ANGPT4: variants seen among roughly 807,000 people sequenced by gnomAD.
The protein encoded by ANGPT4 is angiopoietin-4.
ANGPT4 carries 50 observed loss-of-function variants against 53.0 expected under a neutral mutation model. That is an observed-to-expected ratio of 0.94 (90% CI 0.75 to 1.20). The LOEUF (loss-of-function observed/expected upper bound fraction) is 1.20. Ranked by LOEUF, ANGPT4 falls within the 50% of genes most tolerant of loss-of-function variation. The probability of loss-of-function intolerance (pLI) is 0.00; values close to 1 mark genes in which losing one functional copy is unlikely to be tolerated. For synonymous variants in ANGPT4, 251 were observed against 259.7 expected (o/e 0.97, Z 0.32); for missense variants, 648 against 637.1 (o/e 1.02, Z -0.18).
Position 888,369 on chromosome 20 carries a change from T to C in ANGPT4, c.536A>G (p.Asn179Ser), listed in dbSNP as rs1324008836. Residue 179 changes from asparagine to serine, a missense_variant, in exon 3 of 9, where the codon AAC (asparagine) becomes AGC (serine). Asn to Ser is a conservative substitution (Grantham distance 46). Transcript: ENST00000381922. ...ETFLSTNKLE[N>S]QLLLQRQKLQ... is the part of the protein sequence containing the mutation. ...CTTCTGCCTCTGTAGCAGCAGCTGG[T>C]TCTCCAGCTTGTTGGTGGACAGAAA... is the stretch of plus-strand genomic sequence containing the variant. 1 of 1,613,898 alleles carries C rather than the reference T, an allele frequency of 6.2e-7. No individual in the cohort carries two copies. The highest frequency in any genetic ancestry group is 1.3e-5 in the African/African-American group (1 of 75,050).
Position 901,794 on chromosome 20 carries a change from A to G in ANGPT4, c.310-11426T>C, listed in dbSNP as rs143729005. On this transcript the variant is annotated intron_variant, in intron 1 of 8. Coordinates refer to ENST00000381922, the MANE Select transcript of ANGPT4 (RefSeq NM_015985.4). The stretch of plus-strand genomic sequence containing the variant: ...GCTGAAGGTGGTGGTGCATGCCTCT[A>G]GTCTCAGCTACTTGCGGGGCTGAGG... Among the ~76,000 whole-genome samples, 599 of 152,340 alleles carry G rather than the reference A, an allele frequency of 3.9e-3. 1 individual carries two copies. Among genetic ancestry groups the G allele is most frequent in the Non-Finnish European group, 5.9e-3 (403 of 68,022 alleles).
At position 911,900 on chromosome 20, in the gene ANGPT4, G is replaced by C. The variant is rs1202013702; in HGVS notation, c.309+4006C>G. Reference sequence around the variant, plus strand: ...GGAGAAAGAGACAGAGACAGACAGAGATAGACAGGGAGATAGGCAGAGAGA... The same window carrying C: ...GGAGAAAGAGACAGAGACAGACAGACATAGACAGGGAGATAGGCAGAGAGA... On this transcript the variant is annotated intron_variant, in intron 1 of 8. Coordinates refer to ENST00000381922, the MANE Select transcript of ANGPT4 (RefSeq NM_015985.4). This position sits in a 1 kb window ranked among gnomAD's most constrained non-coding sequence, Gnocchi z 4.9. Among the ~76,000 whole-genome samples, 1 of 152,102 alleles carries C rather than the reference G, an allele frequency of 6.6e-6. No individual in the cohort carries two copies. The highest frequency in any genetic ancestry group is 1.5e-5 in the Non-Finnish European group (1 of 67,998).
rs775701631 is a variant in ANGPT4, at chr20:879,797, G to A, written c.1003C>T (p.Arg335Cys). 18 of 1,613,616 alleles carry A rather than the reference G, an allele frequency of 1.1e-5. No homozygotes were observed. The highest frequency in any genetic ancestry group is 1.7e-5 in the Admixed American group (1 of 59,974). ...SGGRWTLIQR[R>C]ENGTVNFQRN... ...TGAAAATTCACGGTGCCATTCTCAC[G>A]GCGCTGGATGAGGGTCCACCTGCCT... Residue 335 changes from arginine to cysteine, a missense_variant, in exon 6 of 9, where the codon CGT (arginine) becomes TGT (cysteine). Arg to Cys is a radical substitution (Grantham distance 180). Coordinates refer to ENST00000381922, the MANE Select transcript of ANGPT4 (RefSeq NM_015985.4).
At chr20:896,898 C>T (rs1271253203) in intron 1 of ANGPT4, among the ~76,000 whole-genome samples, 1 of 152,176 alleles carries the variant, frequency 6.6e-6, no homozygotes, top group African/African-American at 2.4e-5. Context: ...TGAGCCCAAG[C>T]CTGCGCGTAT....
intron 4 of ANGPT4, among the ~76,000 whole-genome samples, chr20:881,570 G>A (rs1221013010): frequency 6.6e-6 from 1 of 152,216 alleles, no homozygotes; most frequent in Admixed American, 6.5e-5. Flanking sequence ...GCAGAGGACA[G>A]GGCATGGGGA....
rs541080353 is a variant in ANGPT4, at chr20:872,995, C to A, written c.1477G>T (p.Ala493Ser). ...YFKGPSYSLR[A>S]SRMMIRPLDI ...AAAGGCCGTATCATCATGCGAGAGGCACGCAGTGAGTAGCTGGGGCCCTTG... is the reference window on the plus strand; with the variant it reads ...AAAGGCCGTATCATCATGCGAGAGGAACGCAGTGAGTAGCTGGGGCCCTTG... Residue 493 changes from alanine (A) to serine (S), a missense_variant, in exon 9 of 9, where the codon GCC becomes TCC. By Grantham distance (99) the Ala-to-Ser change is moderately conservative. Transcript: ENST00000381922. 1 of 1,614,098 alleles carries A rather than the reference C, an allele frequency of 6.2e-7. No homozygotes were observed. The highest frequency in any genetic ancestry group is 2.2e-5 in the East Asian group (1 of 44,882).
intron 1 of ANGPT4, among the ~76,000 whole-genome samples, chr20:891,627 C>A (rs1159244925): frequency 1.3e-5 from 2 of 152,214 alleles, no homozygotes; most frequent in South Asian, 4.1e-4. Context: ...AGCTGGACAG[C>A]TCTCAGGGTC....
In ANGPT4 at chr20:878,228, A is replaced by C; in HGVS notation, c.1153T>G (p.Trp385Gly). The change falls in exon 7 of 9, where the codon TGG (tryptophan) becomes GGG (glycine). Residue 385 changes from tryptophan to glycine, a missense_variant. Trp to Gly is a radical substitution (Grantham distance 184). Transcript: ENST00000381922. The stretch of plus-strand genomic sequence containing the variant: ...TGGGCATAGGCCTCGTGGCCTTCCC[A>C]GTCTTGCAGCTCCACACGCAGAGAG... ...AYSLRVELQDWEGHEAYAQYE... is the reference protein window; with the variant it reads ...AYSLRVELQDGEGHEAYAQYE... 6.2e-7 allele frequency: 1 copy of C among 1,612,860 alleles called. No homozygotes were observed. The highest frequency in any genetic ancestry group is 8.5e-7 in the Non-Finnish European group (1 of 1,178,964).
At chr20:886,096 T>C (rs1022994483) in intron 3 of ANGPT4, among the ~76,000 whole-genome samples, 2 of 152,178 alleles carry the variant, frequency 1.3e-5, no homozygotes, top group Non-Finnish European at 2.9e-5. Context: ...TGTTGTCCGA[T>C]GATATTATAA....
At position 878,340 on chromosome 20, in the gene ANGPT4, G is replaced by C; in HGVS notation, c.1054-13C>G. 6.3e-7 allele frequency: 1 copy of C among 1,590,102 alleles called. No individual in the cohort carries two copies. The highest frequency in any genetic ancestry group is 8.6e-7 in the Non-Finnish European group (1 of 1,160,932). On this transcript the variant is annotated splice_polypyrimidine_tract_variant and intron_variant, in intron 6 of 8. Coordinates refer to ENST00000381922, the MANE Select transcript of ANGPT4 (RefSeq NM_015985.4). The stretch of plus-strand genomic sequence containing the variant: ...GGTCTCCGAAGCCCTATAGGGAGGG[G>C]AGCGTGGGGTGAGACTCATGCTGAG...
Position 872,732 on chromosome 20 carries a change from C to G in ANGPT4, c.*228G>C. ...TGAAGGGGGAGGGAGAGAAGAGGGG[C>G]GAGGACTACATCAGAGGGATGGGCC... On this transcript the variant is annotated 3_prime_UTR_variant, in exon 9 of 9. Transcript: ENST00000381922. 1 of 556,006 alleles carries G rather than the reference C, an allele frequency of 1.8e-6. No homozygotes were observed. Among genetic ancestry groups the G allele is most frequent in the South Asian group, 2.1e-5 (1 of 46,816 alleles). 34.4% of individuals were successfully genotyped at this position (556,006 alleles called of 1,614,324 possible). A position where few individuals can be genotyped will look rare whatever the true frequency, so the allele number is the denominator to read the frequency against.
In ANGPT4 at chr20:903,070, G is replaced by A. The variant is rs144534490; in HGVS notation, c.310-12702C>T. Among the ~76,000 whole-genome samples, 11 of 152,250 alleles carry A rather than the reference G, an allele frequency of 7.2e-5. No homozygotes were observed. In the Middle Eastern group the frequency reaches 0.01, roughly 141 times the overall value. ...AAGAGGGTCAAGGCGGGGGCTGGGC[G>A]GGTGAAAGTGGTGCTTCCCTCACCC... On this transcript the variant is annotated intron_variant, in intron 1 of 8. Transcript: ENST00000381922.
rs746720846 is a variant in ANGPT4 at position 872,981 on chromosome 20, C to A, written c.1491G>T (p.Met497Ile). 6.2e-7 allele frequency: 1 copy of A among 1,614,088 alleles called. No individual in the cohort carries two copies. The highest frequency in any genetic ancestry group is 8.5e-7 in the Non-Finnish European group (1 of 1,180,014). Residue 497 changes from methionine (M) to isoleucine (I), a missense_variant, in exon 9 of 9, where the codon ATG becomes ATT. Physicochemically the swap from Met to Ile is conservative, Grantham distance 10. Transcript: ENST00000381922. Reference protein sequence around the residue: ...PSYSLRASRMMIRPLDI With the variant: ...PSYSLRASRMIIRPLDI Reference sequence around the variant, plus strand: ...CTCGTTAGATGTCCAAAGGCCGTATCATCATGCGAGAGGCACGCAGTGAGT... The same window carrying A: ...CTCGTTAGATGTCCAAAGGCCGTATAATCATGCGAGAGGCACGCAGTGAGT...
At position 891,917 on chromosome 20, in the gene ANGPT4, C is replaced by T. The variant is rs113609345; in HGVS notation, c.310-1549G>A. ...AAAAATGTGAATTTCCAGGTCCCAC[C>T]GCAGACCTCCTGAACCAGAAACTCT... On this transcript the variant is annotated intron_variant, in intron 1 of 8. Coordinates refer to ENST00000381922, the MANE Select transcript of ANGPT4 (RefSeq NM_015985.4). Among the ~76,000 whole-genome samples the T allele has an allele frequency of 2.0e-4, 30 of 152,310 alleles. 1 individual carries two copies. In the South Asian group the frequency reaches 5.6e-3, roughly 28 times the overall value.
At position 894,132 on chromosome 20, in the gene ANGPT4, G is replaced by C. The variant is rs138952658; in HGVS notation, c.310-3764C>G. Among the ~76,000 whole-genome samples, 150 of 152,254 alleles carry C rather than the reference G, an allele frequency of 9.9e-4. 1 individual carries two copies. In the East Asian group the frequency reaches 0.026, roughly 26 times the overall value. On this transcript the variant is annotated intron_variant, in intron 1 of 8. Transcript: ENST00000381922. Reference sequence around the variant, plus strand: ...CCTTGTCTCTCCCACTGTGCTCTCAGGCAATAGATGATTGGCTATTTCTTT... The same window carrying C: ...CCTTGTCTCTCCCACTGTGCTCTCACGCAATAGATGATTGGCTATTTCTTT...
chr20:891,142 G>A (rs1981829970), intron 1 of ANGPT4, among the ~76,000 whole-genome samples: 1 of 152,338 alleles, frequency 6.6e-6, no homozygotes, highest in South Asian at 2.1e-4. Context: ...TGAAAAAGGG[G>A]AAACAGCAAG....
chr20:875,378 C>A (rs953317716), intron 7 of ANGPT4, among the ~76,000 whole-genome samples: 1 of 152,216 alleles, frequency 6.6e-6, no homozygotes, highest in Non-Finnish European at 1.5e-5. Context: ...GGCACCCCAG[C>A]TCTGCAGCTT....
chr20:880,868 G>A (rs1981377108), intron 5 of ANGPT4, among the ~76,000 whole-genome samples: 1 of 152,206 alleles, frequency 6.6e-6, no homozygotes, highest in African/African-American at 2.4e-5. Flanking sequence ...CTAAGGCCCT[G>A]GAATTTTGGG....
intron 8 of ANGPT4, 99 bp from the exon 9 acceptor site, chr20:873,219 G>T: frequency 7.7e-7 from 1 of 1,306,478 alleles, no homozygotes; most frequent in Non-Finnish European, 1.0e-6. Flanking sequence ...GACTAATCGG[G>T]GCTGTTGCCT....
Sources: allele counts gnomAD v4.1 joint callset (sites outside exome capture counted in the v4.1 genomes callset), GRCh38; gene constraint gnomAD v4.1.1; non-coding constraint Gnocchi (gnomAD v3.1); transcripts MANE v1.5; gene names NCBI Gene and HGNC (gene_info 2026-07-23, HGNC 2026-07-21).